ADGRF5: variants seen among roughly 807,000 people sequenced by gnomAD.
ADGRF5 encodes the protein adhesion G protein-coupled receptor F5.
ADGRF5 carries 75 observed loss-of-function variants against 132.3 expected under a neutral mutation model. That is an observed-to-expected ratio of 0.57 (90% CI 0.47 to 0.69). The LOEUF (loss-of-function observed/expected upper bound fraction) is 0.69. ADGRF5 is among the 30% of genes least tolerant of loss of function. The pLI is 0.00. For missense variants in ADGRF5, 1,516 were observed against 1,630.6 expected (o/e 0.93, Z 1.21); for synonymous variants, 629 against 597.6 (o/e 1.05, Z -0.77).
intron 1 of ADGRF5, among the ~76,000 whole-genome samples, chr6:46,935,533 G>T (rs1021538050): frequency 6.6e-6 from 1 of 152,020 alleles, no homozygotes; most frequent in African/African-American, 2.4e-5. Flanking sequence ...TACTTTTAGG[G>T]GTACAGACCC....
At chr6:46,919,529 T>C (rs185596686) in intron 1 of ADGRF5, among the ~76,000 whole-genome samples, 115 of 152,332 alleles carry the variant, frequency 7.5e-4, no homozygotes, top group African/African-American at 2.7e-3. Flanking sequence ...GGGATATTTT[T>C]AACTGCTCCA....
chr6:46,884,782 G>C (rs1772876663), intron 4 of ADGRF5, among the ~76,000 whole-genome samples: 1 of 152,100 alleles, frequency 6.6e-6, no homozygotes, highest in South Asian at 2.1e-4. Flanking sequence ...CCTCACTCTG[G>C]GGGAAGTTGA....
chr6:46,856,576 G>A (rs1211822099), intron 19 of ADGRF5, 142 bp downstream of exon 19: 4 of 632,934 alleles, frequency 6.3e-6, no homozygotes, highest in Admixed American at 3.0e-5. Context: ...TACAGCTGTT[G>A]AGGGAGACAG....
rs1475108776 is a variant in ADGRF5, at chr6:46,859,007, C to T, written c.2896G>A (p.Gly966Arg). Residue 966 changes from glycine (G) to arginine (R), a missense_variant, in exon 17 of 21, where the codon GGG becomes AGG. By Grantham distance (125) the Gly-to-Arg change is moderately radical. This residue lies in a region of ADGRF5 where 571 missense variants were observed against 701.2 expected (regional missense o/e 0.81). Transcript: ENST00000283296. ...TAGCACCCACTGCTGTCCCACCCCC[C>T]TGTGTTGTTGGCAAGCCTGAAGTTC... Reference protein sequence around the residue: ...FWNFRLANNTGGWDSSGCYVE... With the variant: ...FWNFRLANNTRGWDSSGCYVE... 8 of 1,614,090 alleles carry T rather than the reference C, an allele frequency of 5.0e-6. No individual in the cohort carries two copies. The highest frequency in any genetic ancestry group is 1.1e-5 in the South Asian group (1 of 91,092).
intron 1 of ADGRF5, among the ~76,000 whole-genome samples, chr6:46,911,690 T>A (rs113895069): frequency 4.1e-4 from 63 of 152,288 alleles, no homozygotes; most frequent in Middle Eastern, 3.4e-3. Flanking sequence ...TATTGTTATA[T>A]CTATTGCACG....
rs375528067 is a variant in ADGRF5 at position 46,948,409 on chromosome 6, T to A, written c.-25+6325A>T. On this transcript the variant is annotated intron_variant, in intron 1 of 20. Transcript: ENST00000265417. ...ATTTCATCAATGAATAAATAAAGGA[T>A]CAGAAACTGGCCTAGAATAATAGTA... Among the ~76,000 whole-genome samples the A allele has an allele frequency of 4.0e-5, 6 of 151,768 alleles. No individual in the cohort carries two copies. The East Asian group carries it at 1.2e-3, about 29-fold the overall frequency.
Position 46,858,898 on chromosome 6 carries a change from G to A in ADGRF5, c.3005C>T (p.Pro1002Leu). The A allele has an allele frequency of 6.2e-7, 1 of 1,614,068 alleles. No individual in the cohort carries two copies. Among genetic ancestry groups the A allele is most frequent in the Non-Finnish European group, 8.5e-7 (1 of 1,179,952 alleles). The part of the protein sequence containing the change: ...SFSILMSPDS[P>L]DPSSLLGILL... ...TATTCCCAGGAGAGAACTAGGATCT[G>A]GGGAGTCAGGGGACATGAGGATGGA... The change falls in exon 17 of 21, where the codon CCA becomes CTA. Residue 1002 changes from proline to leucine, a missense_variant. Physicochemically the swap from Pro to Leu is moderately conservative, Grantham distance 98. Transcript: ENST00000283296.
intron 1 of ADGRF5, among the ~76,000 whole-genome samples, chr6:46,931,956 T>C (rs1777575901): frequency 6.6e-6 from 1 of 152,104 alleles, no homozygotes; most frequent in Non-Finnish European, 1.5e-5. Context: ...TAAAACAGAA[T>C]CAATTTAATT....
At chr6:46,885,930 T>C (rs1048543200) in intron 4 of ADGRF5, among the ~76,000 whole-genome samples, 2 of 152,248 alleles carry the variant, frequency 1.3e-5, no homozygotes, top group African/African-American at 4.8e-5. Flanking sequence ...AATAACTGTT[T>C]GTTATTTTAT....
At position 46,953,649 on chromosome 6, in the gene ADGRF5, GTGTATATATATATATATATATATA is replaced by G. The variant is rs1202706216; in HGVS notation, c.-25+1061_-25+1084del. On this transcript the variant is annotated intron_variant, in intron 1 of 20. Transcript: ENST00000265417. The stretch of plus-strand genomic sequence containing the variant: ...AAAAATTATATATATATAGATATAT[GTGTATATATATATATATATATATA>G]TATATATATATATATATCTCACTGA... 6.7e-3 allele frequency among the ~76,000 whole-genome samples: 614 copies of G among 91,496 alleles called. 25 individuals carry two copies. Among genetic ancestry groups the G allele is most frequent in the African/African-American group, 0.026 (574 of 21,806 alleles). The allele number at this position is 91,496 out of a possible 152,430, so 60.0% of individuals were successfully genotyped here.
rs1022025988 is a variant in ADGRF5, at chr6:46,881,701, T to C, written c.672-104A>G. 3 of 919,496 alleles carry C rather than the reference T, an allele frequency of 3.3e-6. No individual in the cohort carries two copies. In the African/African-American group the frequency reaches 5.0e-5, roughly 15 times the overall value. The allele number at this position is 919,496 out of a possible 1,614,324, so 57.0% of individuals were successfully genotyped here. On this transcript the variant is annotated intron_variant, in intron 7 of 20. Coordinates refer to ENST00000283296, the MANE Select transcript of ADGRF5 (RefSeq NM_001098518.2). ...AAACAAAATAGCACAAACTGCCTGA[T>C]GCAGCATGCAAATCTATGGATCTGA...
chr6:46,904,401 T>G (rs1402158696), intron 2 of ADGRF5, among the ~76,000 whole-genome samples: 1 of 152,174 alleles, frequency 6.6e-6, no homozygotes, highest in East Asian at 1.9e-4. Context: ...GGCTACAACA[T>G]AGATAAACCT....
At chr6:46,922,417 A>G (rs866115363), upstream of ADGRF5, among the ~76,000 whole-genome samples, 1 of 152,204 alleles carries the variant, frequency 6.6e-6, no homozygotes, top group African/African-American at 2.4e-5. Context: ...CAGTTCTCCT[A>G]GGTTTCCAGG....
Position 46,896,136 on chromosome 6 carries a change from G to T in ADGRF5, c.157+3893C>A, listed in dbSNP as rs375443244. On this transcript the variant is annotated intron_variant, in intron 3 of 20. Coordinates refer to ENST00000283296, the MANE Select transcript of ADGRF5 (RefSeq NM_001098518.2). ...TGGTCTCCCAGGCACTAATTTCTTC[G>T]TGTAATTTATTTAGCCATAACCATG... Among the ~76,000 whole-genome samples, 43 of 152,130 alleles carry T rather than the reference G, an allele frequency of 2.8e-4. No homozygotes were observed. The East Asian group carries it at 7.3e-3, about 26-fold the overall frequency.
chr6:46,943,687 T>A (rs1778185611), intron 1 of ADGRF5, among the ~76,000 whole-genome samples: 1 of 152,184 alleles, frequency 6.6e-6, no homozygotes, highest in African/African-American at 2.4e-5. Context: ...TTGCCAAACC[T>A]GGTTTAAAAT....
At position 46,920,357 on chromosome 6, in the gene ADGRF5, A is replaced by G. The variant is rs79882919; in HGVS notation, c.-25+1356T>C. Reference sequence around the variant, plus strand: ...GTTAAAAGAGCTATTCATGTTTCCCATGTATCATTTTATCTTTCACTGAGA... The same window carrying G: ...GTTAAAAGAGCTATTCATGTTTCCCGTGTATCATTTTATCTTTCACTGAGA... On this transcript the variant is annotated intron_variant, in intron 1 of 20. Transcript: ENST00000283296. 1.5e-3 allele frequency among the ~76,000 whole-genome samples: 222 copies of G among 152,296 alleles called. 1 individual carries two copies. The highest frequency in any genetic ancestry group is 5.1e-3 in the African/African-American group (213 of 41,560).
chr6:46,868,290 T>C (rs1053474459), intron 12 of ADGRF5, among the ~76,000 whole-genome samples: 1 of 152,198 alleles, frequency 6.6e-6, no homozygotes, highest in Non-Finnish European at 1.5e-5. Context: ...AAAATGGGGC[T>C]AATAATAACA....
intron 2 of ADGRF5, among the ~76,000 whole-genome samples, chr6:46,905,719 A>G (rs1029094443): frequency 6.6e-6 from 1 of 151,418 alleles, no homozygotes; most frequent in Admixed American, 6.5e-5. Flanking sequence ...TAATGCTAAA[A>G]ACATACCAAT....
chr6:46,942,928 G>A (rs1778149933), intron 1 of ADGRF5, among the ~76,000 whole-genome samples: 1 of 152,032 alleles, frequency 6.6e-6, no homozygotes, highest in South Asian at 2.1e-4. Flanking sequence ...TGAGTTATTG[G>A]GTTTAAAAAT....
Sources: allele counts gnomAD v4.1 joint callset (sites outside exome capture counted in the v4.1 genomes callset), GRCh38; gene constraint gnomAD v4.1.1; regional missense constraint gnomAD v4.1.1; transcripts MANE v1.5; gene names NCBI Gene and HGNC (gene_info 2026-07-23, HGNC 2026-07-21).